Variants in KLHL20 observed in about 807,000 individuals in gnomAD.
The protein encoded by KLHL20 is kelch like family member 20.
KLHL20 carries 29 observed loss-of-function variants against 69.5 expected under a neutral mutation model. The observed-to-expected ratio is 0.42, with a 90% CI of 0.31 to 0.57. The LOEUF is 0.57. KLHL20 is among the 20% of genes least tolerant of loss of function. The pLI is 0.18. For missense variants in KLHL20, 419 were observed against 776.0 expected, an observed-to-expected ratio of 0.54 and a Z score of 5.47; for synonymous variants, 253 against 265.2, an observed-to-expected ratio of 0.95 and a Z score of 0.45.
chr1:173,745,725 A>G (rs986961951), intron 3 of KLHL20, among the ~76,000 whole-genome samples: 2 of 152,054 alleles, frequency 1.3e-5, no homozygotes, highest in African/African-American at 2.4e-5. Flanking sequence ...TAGTTGCTTG[A>G]TAACTCTAGT....
intron 2 of KLHL20, 83 bp from the exon 3 acceptor site, chr1:173,733,630 C>A: frequency 8.7e-7 from 1 of 1,156,018 alleles, no homozygotes; most frequent in Non-Finnish European, 1.2e-6. Context: ...ATTTCCTTAT[C>A]GCTTGAATTA....
chr1:173,786,123 TTCTCCCAGCAGTGAATTCTGTTA>T lies in KLHL20; in HGVS notation c.*878_*900del, dbSNP rs1290376487. 2 of 152,456 alleles carry T rather than the reference TTCTCCCAGCAGTGAATTCTGTTA, an allele frequency of 1.3e-5. No homozygotes were observed. The highest frequency in any genetic ancestry group is 2.9e-5 in the Non-Finnish European group (2 of 68,030). The allele number at this position is 152,456 out of a possible 1,614,324, so 9.4% of individuals were successfully genotyped here. A position where few individuals can be genotyped will look rare whatever the true frequency, so the allele number is the denominator to read the frequency against. On this transcript the variant is annotated 3_prime_UTR_variant, in exon 12 of 12. Coordinates refer to ENST00000209884, the MANE Select transcript of KLHL20 (RefSeq NM_014458.4). ...CCAAGGACCAGCAGGGAGAAATGTC[TTCTCCCAGCAGTGAATTCTGTTA>T]TGCAATTTATTCTTGATGCTCAGGC...
chr1:173,728,989 A>G (rs1458291253), intron 2 of KLHL20, among the ~76,000 whole-genome samples: 1 of 152,214 alleles, frequency 6.6e-6, no homozygotes. Flanking sequence ...AGCAAGACTA[A>G]TAAAGAAGAA....
At chr1:173,757,770 G>A (rs1308928152) in intron 7 of KLHL20, among the ~76,000 whole-genome samples, 1 of 151,784 alleles carries the variant, frequency 6.6e-6, no homozygotes, top group Non-Finnish European at 1.5e-5. Flanking sequence ...TTAGTTACTA[G>A]TTACTTGTTC....
At chr1:173,728,640 G>C (rs764391686) in intron 2 of KLHL20, among the ~76,000 whole-genome samples, 1 of 152,206 alleles carries the variant, frequency 6.6e-6, no homozygotes, top group Non-Finnish European at 1.5e-5. Context: ...GCTCCTGAAT[G>C]ACTACTGAGC....
intron 2 of KLHL20, among the ~76,000 whole-genome samples, chr1:173,719,528 A>C (rs1671622794): frequency 6.6e-6 from 1 of 152,156 alleles, no homozygotes; most frequent in African/African-American, 2.4e-5. Flanking sequence ...CTGAGGCAGG[A>C]GAATCACTTG....
chr1:173,730,126 C>A (rs1172615979), intron 2 of KLHL20, among the ~76,000 whole-genome samples: 1 of 152,066 alleles, frequency 6.6e-6, no homozygotes, highest in East Asian at 1.9e-4. Context: ...ACAATTGCTA[C>A]AAAGAGAATA....
chr1:173,759,154 C>T (rs1673685344), intron 7 of KLHL20, among the ~76,000 whole-genome samples: 1 of 152,116 alleles, frequency 6.6e-6, no homozygotes, highest in Admixed American at 6.5e-5. Context: ...CAGAGGCAGT[C>T]ATAATCTTCC....
intron 7 of KLHL20, among the ~76,000 whole-genome samples, chr1:173,758,849 A>G (rs1411752698): frequency 6.6e-6 from 1 of 152,186 alleles, no homozygotes; most frequent in Non-Finnish European, 1.5e-5. Flanking sequence ...CTTTGTAACA[A>G]TTTGAACAGG....
At chr1:173,720,546 AT>A (rs1671671164) in intron 2 of KLHL20, among the ~76,000 whole-genome samples, 1 of 152,320 alleles carries the variant, frequency 6.6e-6, no homozygotes, top group African/African-American at 2.4e-5. Context: ...CTTTGAACTG[AT>A]TTCTAGGCAC....
chr1:173,784,789 T>G (rs1649100302), intron 11 of KLHL20, among the ~76,000 whole-genome samples: 2 of 152,108 alleles, frequency 1.3e-5, no homozygotes, highest in African/African-American at 4.8e-5. Context: ...AAAACATAGG[T>G]GGGACAATAA....
chr1:173,733,401 A>G (rs1235083361), intron 2 of KLHL20, among the ~76,000 whole-genome samples: 1 of 152,150 alleles, frequency 6.6e-6, no homozygotes, highest in Non-Finnish European at 1.5e-5. Context: ...TTTAAAATGG[A>G]TAAGCATAAC....
At position 173,783,896 on chromosome 1, in the gene KLHL20, C is replaced by T. The variant is rs113886191; in HGVS notation, c.1746-1267C>T. Among the ~76,000 whole-genome samples, 182 of 150,962 alleles carry T rather than the reference C, an allele frequency of 1.2e-3. 1 individual carries two copies. Among genetic ancestry groups the T allele is most frequent in the African/African-American group, 4.3e-3 (177 of 41,126 alleles). On this transcript the variant is annotated intron_variant, in intron 11 of 11. Transcript: ENST00000209884. ...AAAAAAAAAGATTTACTAAGTGCTC[C>T]GAGCCCTGGGGATACAAAACTGAAC...
chr1:173,726,941 A>T (rs951707907), intron 2 of KLHL20, among the ~76,000 whole-genome samples: 1 of 152,186 alleles, frequency 6.6e-6, no homozygotes, highest in South Asian at 2.1e-4. Flanking sequence ...CAGACTATCA[A>T]ACTTCTCTGA....
At chr1:173,770,832 C>T (rs1487713109) in intron 8 of KLHL20, among the ~76,000 whole-genome samples, 1 of 151,756 alleles carries the variant, frequency 6.6e-6, no homozygotes, top group Non-Finnish European at 1.5e-5. Flanking sequence ...ATACTAAGAA[C>T]TATAATCCAA....
intron 2 of KLHL20, among the ~76,000 whole-genome samples, chr1:173,729,789 C>G (rs1338628504): frequency 2.6e-5 from 4 of 152,114 alleles, no homozygotes; most frequent in Non-Finnish European, 5.9e-5. Context: ...ACTGGAAGCA[C>G]TCCCTTTGAA....
At chr1:173,722,805 T>A (rs1440447322) in intron 2 of KLHL20, among the ~76,000 whole-genome samples, 1 of 151,356 alleles carries the variant, frequency 6.6e-6, no homozygotes, top group Admixed American at 6.6e-5. Context: ...TTCTCCTGCC[T>A]CAGCCTCCCA....
chr1:173,733,609 A>T (rs1672385230), intron 2 of KLHL20, 104 bp from the exon 3 acceptor site: 2 of 1,041,244 alleles, frequency 1.9e-6, no homozygotes, highest in East Asian at 4.8e-5. Flanking sequence ...AAAAATCACC[A>T]AGCTAATTAC....
At chr1:173,747,918 A>G (rs1342274764) in intron 3 of KLHL20, among the ~76,000 whole-genome samples, 1 of 151,660 alleles carries the variant, frequency 6.6e-6, no homozygotes, top group Non-Finnish European at 1.5e-5. Flanking sequence ...ATGAAACTCC[A>G]TCTCCATACT....
Sources: allele counts gnomAD v4.1 joint callset (sites outside exome capture counted in the v4.1 genomes callset), GRCh38; gene constraint gnomAD v4.1.1; transcripts MANE v1.5; gene names NCBI Gene and HGNC (gene_info 2026-07-23, HGNC 2026-07-21).